The following NDEL1 variants were observed in gnomAD, a reference collection of about 807,000 sequenced individuals.
The protein encoded by NDEL1 is nudE neurodevelopment protein 1 like 1, also known as nuclear distribution protein nudE-like 1.
NDEL1 carries 9 observed loss-of-function variants against 45.7 expected under a neutral mutation model. The observed-to-expected ratio is 0.20, with a 90% CI of 0.12 to 0.34. The LOEUF (loss-of-function observed/expected upper bound fraction) is 0.34. NDEL1 is among the 10% of genes least tolerant of loss of function. The pLI is 1.00. For missense variants in NDEL1, 306 were observed against 406.2 expected, an observed-to-expected ratio of 0.75 and a Z score of 2.12; for synonymous variants, 133 against 158.6, an observed-to-expected ratio of 0.84 and a Z score of 1.21.
chr17:8,444,473 T>G (rs1017210999), intron 2 of NDEL1, 116 bp downstream of exon 2: 14 of 686,648 alleles, frequency 2.0e-5, no homozygotes, highest in African/African-American at 2.0e-4. Context: ...TTTAGGATTC[T>G]AGGATTGAGA....
chr17:8,445,980 T>A (rs1910055916), intron 3 of NDEL1, 116 bp downstream of exon 3: 7 of 1,066,584 alleles, frequency 6.6e-6, no homozygotes, highest in Non-Finnish European at 8.8e-6. Context: ...AAAAAACGCT[T>A]AAAGTGAATT....
chr17:8,453,545 A>G (rs1910650697), intron 6 of NDEL1, among the ~76,000 whole-genome samples: 1 of 152,164 alleles, frequency 6.6e-6, no homozygotes, highest in Non-Finnish European at 1.5e-5. Flanking sequence ...ATGATGTCAT[A>G]TTATCTCTTA....
At chr17:8,452,500 C>T in intron 6 of NDEL1, among the ~76,000 whole-genome samples, 1 of 152,122 alleles carries the variant, frequency 6.6e-6, no homozygotes, top group East Asian at 1.9e-4. Flanking sequence ...CATGAATTTT[C>T]ACTGGCTAAC....
At chr17:8,419,789 T>C (rs1908656164) in intron 1 of NDEL1, among the ~76,000 whole-genome samples, 1 of 152,182 alleles carries the variant, frequency 6.6e-6, no homozygotes. Context: ...TTTCCATGTT[T>C]GTTGCTGGGT....
In NDEL1 at chr17:8,424,750, C is replaced by T. The variant is rs573867748; in HGVS notation, c.-13+11481C>T. Among the ~76,000 whole-genome samples the T allele has an allele frequency of 9.7e-4, 148 of 152,326 alleles. 1 individual carries two copies. The highest frequency in any genetic ancestry group is 3.3e-3 in the African/African-American group (138 of 41,568). On this transcript the variant is annotated intron_variant, in intron 1 of 4. Transcript: ENST00000582812. ...CGATCTCCTGACCTCGTGATCCACCCGCCTTGGCCTCCCAAAGTGCTGGGA... is the reference window on the plus strand; with the variant it reads ...CGATCTCCTGACCTCGTGATCCACCTGCCTTGGCCTCCCAAAGTGCTGGGA...
At position 8,413,488 on chromosome 17, in the gene NDEL1, A is replaced by T. The variant is rs117952801; in HGVS notation, c.-13+219A>T. Among the ~76,000 whole-genome samples, 13 of 152,294 alleles carry T rather than the reference A, an allele frequency of 8.5e-5. No individual in the cohort carries two copies. The East Asian group carries it at 2.5e-3, about 29-fold the overall frequency. ...ACGGCTTTGGTGGTTTCCTGAAACC[A>T]TATCATTTGCGCACATCTTCCCCCT... On this transcript the variant is annotated intron_variant, in intron 1 of 4. Coordinates refer to the NDEL1 transcript ENST00000582812.
chr17:8,470,354 G>A (rs565297570), downstream of NDEL1, among the ~76,000 whole-genome samples: 1 of 152,050 alleles, frequency 6.6e-6, no homozygotes, highest in Admixed American at 6.5e-5. This position sits in a 1 kb window ranked among gnomAD's most constrained non-coding sequence, Gnocchi z 4.2. Context: ...CTGATCTCCC[G>A]GGTGGTGGAC....
In NDEL1 at chr17:8,421,487, A is replaced by G. The variant is rs767103387; in HGVS notation, c.-13+8218A>G. ...TTGGAACAAATGCAGCCACAAGCCA[A>G]GGAGCGCTGGTGGCCTCTAGAAGCT... is the stretch of plus-strand genomic sequence containing the variant. On this transcript the variant is annotated intron_variant, in intron 1 of 4. Coordinates refer to the NDEL1 transcript ENST00000582812. Among the ~76,000 whole-genome samples the G allele has an allele frequency of 5.3e-5, 8 of 152,194 alleles. 1 individual carries two copies. The highest frequency in any genetic ancestry group is 7.3e-5 in the Non-Finnish European group (5 of 68,030).
upstream of NDEL1, among the ~76,000 whole-genome samples, chr17:8,432,375 A>T (rs1909038093): frequency 1.5e-5 from 2 of 134,190 alleles, no homozygotes; most frequent in Non-Finnish European, 3.1e-5. Context: ...TATATATTTA[A>T]TGGCAGGCCA....
chr17:8,436,250 C>T (rs1909329579), intron 1 of NDEL1: 2 of 183,200 alleles, frequency 1.1e-5, no homozygotes, highest in Non-Finnish European at 2.3e-5. Context: ...GATGTGTGGC[C>T]CCCCAGGGGC....
intron 1 of NDEL1, among the ~76,000 whole-genome samples, chr17:8,416,419 A>G (rs771433249): frequency 1.3e-5 from 2 of 152,120 alleles, no homozygotes; most frequent in Non-Finnish European, 2.9e-5. Context: ...TTCTATTCTT[A>G]TACTTGTTGA....
chr17:8,421,462 T>C (rs1453162953), intron 1 of NDEL1, among the ~76,000 whole-genome samples: 1 of 152,152 alleles, frequency 6.6e-6, no homozygotes, highest in East Asian at 1.9e-4. Context: ...GAAGCAGCTA[T>C]TGGAACAAAT....
intron 6 of NDEL1, among the ~76,000 whole-genome samples, chr17:8,452,738 C>CTTTTTT (rs1201336862): frequency 2.0e-5 from 1 of 50,452 alleles, no homozygotes; most frequent in Non-Finnish European, 4.2e-5. Context: ...TCTTTTTCTT[C>CTTTTTT]TCTTTTTTTT....
chr17:8,430,270 T>C lies in NDEL1; in HGVS notation c.-12-13990T>C, dbSNP rs527876491. Among the ~76,000 whole-genome samples the C allele has an allele frequency of 7.2e-5, 11 of 152,294 alleles. No individual in the cohort carries two copies. In the South Asian group the frequency reaches 2.3e-3, roughly 32 times the overall value. On this transcript the variant is annotated intron_variant, in intron 1 of 4. Transcript: ENST00000582812. ...AGTCAGTGGGTGTCCCTTGCCCAGC[T>C]AGATCTATACCCTTAGAGATTAGCA...
chr17:8,448,418 G>A, intron 4 of NDEL1, 132 bp from the exon 5 acceptor site: 1 of 914,330 alleles, frequency 1.1e-6, no homozygotes, highest in South Asian at 1.8e-5. Flanking sequence ...GAAGGGGCAA[G>A]ATCATCTTCT....
downstream of NDEL1, among the ~76,000 whole-genome samples, chr17:8,469,844 G>A (rs1035073254): frequency 3.4e-5 from 5 of 148,624 alleles, no homozygotes; most frequent in Non-Finnish European, 4.4e-5. Flanking sequence ...GCTGGCGCCC[G>A]CCGCCATGCC....
chr17:8,450,700 T>C lies in NDEL1; in HGVS notation c.527-80T>C. The C allele has an allele frequency of 3.2e-6, 4 of 1,250,178 alleles. No homozygotes were observed. The South Asian group carries it at 6.0e-5, about 19-fold the overall frequency. 77.4% of individuals were successfully genotyped at this position (1,250,178 alleles called of 1,614,324 possible). ...TAGTAATTTAGGAAGAAGACCTTTA[T>C]GACATTTTAGATGTCACTTTGCTTG... On this transcript the variant is annotated intron_variant, in intron 5 of 8. Coordinates refer to ENST00000334527, the MANE Select transcript of NDEL1 (RefSeq NM_030808.5).
chr17:8,427,392 G>C (rs541758074), intron 1 of NDEL1, among the ~76,000 whole-genome samples: 2 of 152,116 alleles, frequency 1.3e-5, no homozygotes, highest in Admixed American at 1.3e-4. Context: ...GACATGAGTT[G>C]GTTACCATTC....
intron 8 of NDEL1, 143 bp downstream of exon 8, chr17:8,460,303 G>A: frequency 3.3e-6 from 3 of 901,912 alleles, no homozygotes; most frequent in Non-Finnish European, 3.3e-6. Context: ...TAGGTGACAT[G>A]ACGTCTGTTG....
Sources: allele counts gnomAD v4.1 joint callset (sites outside exome capture counted in the v4.1 genomes callset), GRCh38; gene constraint gnomAD v4.1.1; non-coding constraint Gnocchi (gnomAD v3.1); transcripts MANE v1.5; gene names NCBI Gene and HGNC (gene_info 2026-07-23, HGNC 2026-07-21).